Variants in ANP32B observed in about 807,000 individuals in gnomAD.
ANP32B encodes the protein acidic nuclear phosphoprotein 32 family member B.
ANP32B carries 6 observed loss-of-function variants against 32.2 expected under a neutral mutation model. That is an observed-to-expected ratio of 0.19 (90% CI 0.10 to 0.37). The LOEUF is 0.37. Among genes scored for constraint, ANP32B ranks in the 10% least tolerant of loss-of-function variants. ANP32B has a pLI of 1.00. For synonymous variants in ANP32B, 98 were observed against 105.8 expected (o/e 0.93, Z 0.45); for missense variants, 204 against 289.2 (o/e 0.71, Z 2.14).
rs576132362 is a variant in ANP32B at position 97,983,701 on chromosome 9, C to T, written c.54+92C>T. On this transcript the variant is annotated intron_variant, in intron 1 of 6. Transcript: ENST00000339399. Reference sequence around the variant, plus strand: ...GGCCCGGGCTGAGGGTTCGCCGGCCCCGGCGCGGGGAAGAGCGCAGCTCGT... The same window carrying T: ...GGCCCGGGCTGAGGGTTCGCCGGCCTCGGCGCGGGGAAGAGCGCAGCTCGT... 217 of 1,093,140 alleles carry T rather than the reference C, an allele frequency of 2.0e-4. 1 individual carries two copies. The African/African-American group carries it at 3.2e-3, about 16-fold the overall frequency. 67.7% of individuals were successfully genotyped at this position (1,093,140 alleles called of 1,614,324 possible). A position where few individuals can be genotyped will look rare whatever the true frequency, so the allele number is the denominator to read the frequency against.
intron 4 of ANP32B, 108 bp downstream of exon 4, chr9:98,005,261 C>T: frequency 9.1e-7 from 1 of 1,104,822 alleles, no homozygotes; most frequent in Admixed American, 2.7e-5. Context: ...AATCCCAGCA[C>T]TTTGGGTGGC....
At chr9:97,985,068 C>A (rs1328195565) in intron 1 of ANP32B, among the ~76,000 whole-genome samples, 1 of 148,978 alleles carries the variant, frequency 6.7e-6, no homozygotes. Context: ...CGTCGCGAGC[C>A]CCCCCCCCGC....
At chr9:97,993,984 C>T (rs1827868374) in intron 1 of ANP32B, among the ~76,000 whole-genome samples, 1 of 152,170 alleles carries the variant, frequency 6.6e-6, no homozygotes, top group African/African-American at 2.4e-5. Context: ...ACTGTGTAGC[C>T]TGAAAATGCA....
chr9:98,008,725 C>A (rs562481986), intron 4 of ANP32B, among the ~76,000 whole-genome samples: 1 of 152,212 alleles, frequency 6.6e-6, no homozygotes, highest in South Asian at 2.1e-4. Flanking sequence ...CTCTCATTGC[C>A]CCCAGATGGG....
chr9:97,999,619 A>C (rs1827957783), intron 3 of ANP32B, among the ~76,000 whole-genome samples: 1 of 152,250 alleles, frequency 6.6e-6, no homozygotes, highest in Non-Finnish European at 1.5e-5. Flanking sequence ...TCTGGGCCTC[A>C]GTTTCCTCAC....
At chr9:98,007,530 T>C (rs1000417303) in intron 4 of ANP32B, among the ~76,000 whole-genome samples, 7 of 152,254 alleles carry the variant, frequency 4.6e-5, no homozygotes, top group Non-Finnish European at 8.8e-5. Context: ...ATGTTATGTG[T>C]ACTTCGTTGC....
chr9:97,998,364 A>G (rs1470500376), intron 2 of ANP32B, among the ~76,000 whole-genome samples, 192 bp from the exon 3 acceptor site: 1 of 152,230 alleles, frequency 6.6e-6, no homozygotes, highest in Non-Finnish European at 1.5e-5. Context: ...GGAAAACACA[A>G]TACTTCTGAC....
chr9:97,991,061 A>T (rs1039696619), intron 1 of ANP32B, among the ~76,000 whole-genome samples: 1 of 150,814 alleles, frequency 6.6e-6, no homozygotes, highest in African/African-American at 2.4e-5. Flanking sequence ...ACCTCAGGTG[A>T]TCTGCCCGCC....
Position 98,015,482 on chromosome 9 carries a change from T to C in ANP32B, c.*51T>C. ...AACTGTTCAGTATTGGTTGGACTGC[T>C]CATGGATTTTGTAGCTGTTTAAAAA... On this transcript the variant is annotated 3_prime_UTR_variant, in exon 7 of 7. Transcript: ENST00000339399. 6.5e-7 allele frequency: 1 copy of C among 1,527,162 alleles called. No individual in the cohort carries two copies. The highest frequency in any genetic ancestry group is 8.8e-7 in the Non-Finnish European group (1 of 1,138,646). The allele number at this position is 1,527,162 out of a possible 1,614,324, so 94.6% of individuals were successfully genotyped here. A position where few individuals can be genotyped will look rare whatever the true frequency, so the allele number is the denominator to read the frequency against.
At chr9:98,015,258 T>C in intron 6 of ANP32B, 106 bp from the exon 7 acceptor site, 1 of 1,481,290 alleles carries the variant, frequency 6.8e-7, no homozygotes. Context: ...GTTTACATTG[T>C]TTTATCTCCT....
intron 6 of ANP32B, 89 bp from the exon 7 acceptor site, chr9:98,015,275 C>T: frequency 1.3e-6 from 2 of 1,519,316 alleles, no homozygotes; most frequent in Non-Finnish European, 1.8e-6. Flanking sequence ...TCCTAACTGT[C>T]AAAAACTTTG....
At chr9:98,014,116 A>G (rs983053042) in intron 6 of ANP32B, among the ~76,000 whole-genome samples, 1 of 152,108 alleles carries the variant, frequency 6.6e-6, no homozygotes, top group Non-Finnish European at 1.5e-5. Context: ...TTTACACTAG[A>G]TATTACCCTG....
rs781464218 is a variant in ANP32B at position 98,015,398 on chromosome 9, G to A, written c.723G>A (p.Lys241=). 2.1e-5 allele frequency: 32 copies of A among 1,550,342 alleles called. No individual in the cohort carries two copies. In the South Asian group the frequency reaches 3.7e-4, roughly 18 times the overall value. Residue 241 remains lysine, a synonymous_variant, in exon 7 of 7, where the codon AAG becomes AAA. Coordinates refer to ENST00000339399, the MANE Select transcript of ANP32B (RefSeq NM_006401.3). Reference sequence around the variant, plus strand: ...AAGGTGGGAAAGGTGAAAAGAGGAAGAGAGAAACAGATGATGAAGGAGAAG... The same window carrying A: ...AAGGTGGGAAAGGTGAAAAGAGGAAAAGAGAAACAGATGATGAAGGAGAAG... ...EEEGGKGEKR[K]RETDDEGEDD
intron 1 of ANP32B, 68 bp downstream of exon 1, chr9:97,983,677 G>A (rs920679756): frequency 1.2e-5 from 16 of 1,339,056 alleles, no homozygotes; most frequent in African/African-American, 7.6e-5. Context: ...CACCTGCGGG[G>A]CCCGGGCTGA....
chr9:98,009,031 G>A (rs1001418623), intron 4 of ANP32B, among the ~76,000 whole-genome samples: 7 of 152,104 alleles, frequency 4.6e-5, no homozygotes, highest in Non-Finnish European at 8.8e-5. Flanking sequence ...CACTGAGTAG[G>A]TACTTGGTAC....
chr9:98,010,175 G>A (rs1828156000), intron 4 of ANP32B, among the ~76,000 whole-genome samples: 1 of 151,286 alleles, frequency 6.6e-6, no homozygotes, highest in Admixed American at 6.6e-5. Flanking sequence ...TTTCCTATGT[G>A]CCAGGCACTG....
chr9:98,012,026 G>A (rs1828193375), intron 5 of ANP32B, among the ~76,000 whole-genome samples: 1 of 152,146 alleles, frequency 6.6e-6, no homozygotes, highest in Non-Finnish European at 1.5e-5. Flanking sequence ...AATAAGGCTT[G>A]GGGTTTGTGT....
In ANP32B at chr9:97,994,795, T is replaced by C. The variant is rs1587873476; in HGVS notation, c.204+15T>C. ...AATTGAAAAAGGTAAGTGCTTTTTC[T>C]TTAACAGTAAAAGAGAACGATCCTG... On this transcript the variant is annotated intron_variant, in intron 2 of 6. Coordinates refer to ENST00000339399, the MANE Select transcript of ANP32B (RefSeq NM_006401.3). 1.9e-6 allele frequency: 3 copies of C among 1,578,774 alleles called. No homozygotes were observed. The East Asian group carries it at 6.8e-5, about 36-fold the overall frequency.
chr9:97,996,570 C>T (rs184312691), intron 2 of ANP32B, among the ~76,000 whole-genome samples: 1 of 152,170 alleles, frequency 6.6e-6, no homozygotes, highest in Admixed American at 6.5e-5. Context: ...TATTTTCTTC[C>T]TATTCCAGAA....
Sources: allele counts gnomAD v4.1 joint callset (sites outside exome capture counted in the v4.1 genomes callset), GRCh38; gene constraint gnomAD v4.1.1; transcripts MANE v1.5; gene names NCBI Gene and HGNC (gene_info 2026-07-23, HGNC 2026-07-21).